METAP1: variants seen among roughly 807,000 people sequenced by gnomAD.
METAP1 encodes methionine aminopeptidase 1.
A neutral mutation model predicts 53.8 loss-of-function variants in METAP1; 28 were observed. That is an observed-to-expected ratio of 0.52 (90% CI 0.39 to 0.71). The LOEUF is 0.71. Ranked by LOEUF, METAP1 falls within the 30% of genes least tolerant of loss-of-function variation. The pLI, the probability that METAP1 is intolerant of heterozygous loss-of-function variation, is 0.00. For missense variants in METAP1, 389 were observed against 479.8 expected, an observed-to-expected ratio of 0.81 and a Z score of 1.77; for synonymous variants, 181 against 165.7, an observed-to-expected ratio of 1.09 and a Z score of -0.71.
At chr4:99,025,037 C>T (rs966640044) in intron 1 of METAP1, among the ~76,000 whole-genome samples, 31 of 152,222 alleles carry the variant, frequency 2.0e-4, no homozygotes, top group African/African-American at 7.2e-4. Context: ...AATCTAATGC[C>T]ACTGCTGATC....
chr4:99,014,079 G>A (rs1303736401), intron 1 of METAP1, among the ~76,000 whole-genome samples: 1 of 152,222 alleles, frequency 6.6e-6, no homozygotes, highest in Non-Finnish European at 1.5e-5. Context: ...CTTTGTACAA[G>A]CCGTCGAATA....
intron 1 of METAP1, among the ~76,000 whole-genome samples, chr4:99,012,069 T>A (rs1723498639): frequency 6.6e-6 from 1 of 152,174 alleles, no homozygotes; most frequent in Non-Finnish European, 1.5e-5. Flanking sequence ...TTTCATTGTT[T>A]TTATTTTTTT....
At chr4:99,000,084 T>C (rs555554021) in intron 1 of METAP1, among the ~76,000 whole-genome samples, 3 of 152,220 alleles carry the variant, frequency 2.0e-5, no homozygotes, top group Non-Finnish European at 4.4e-5. Flanking sequence ...TCAGTGGGCT[T>C]GCAATGGAAA....
chr4:98,995,952 C>T (rs1014341813), intron 1 of METAP1, 85 bp downstream of exon 1: 26 of 1,061,430 alleles, frequency 2.4e-5, no homozygotes, highest in Non-Finnish European at 3.5e-5. Context: ...GCCCTTGCGG[C>T]GAGTCGGGAC....
At chr4:99,026,656 T>C in intron 1 of METAP1, 1 of 985,372 alleles carries the variant, frequency 1.0e-6, no homozygotes, top group Non-Finnish European at 1.2e-6. Context: ...AGAGAATGGA[T>C]AGTCTTTCAG....
intron 1 of METAP1, among the ~76,000 whole-genome samples, chr4:98,996,813 G>C (rs1272426336): frequency 1.3e-5 from 2 of 152,190 alleles, no homozygotes; most frequent in Non-Finnish European, 2.9e-5. Flanking sequence ...TCCAGGTTTA[G>C]TGAAGAGAGG....
intron 8 of METAP1, among the ~76,000 whole-genome samples, chr4:99,047,280 C>G (rs1726337070): frequency 6.6e-6 from 1 of 152,112 alleles, no homozygotes. Flanking sequence ...ACAAGCATTC[C>G]TGGTCTCTAC....
intron 1 of METAP1, among the ~76,000 whole-genome samples, chr4:99,017,331 T>C (rs563000926): frequency 3.2e-4 from 48 of 152,230 alleles, no homozygotes; most frequent in Non-Finnish European, 6.6e-4. Context: ...TTCTGGATAT[T>C]TAAGGGCCTG....
chr4:99,041,223 T>G, intron 6 of METAP1, 97 bp downstream of exon 6: 1 of 776,394 alleles, frequency 1.3e-6, no homozygotes, highest in Admixed American at 2.8e-5. Context: ...GTGTCTAAGG[T>G]AACTTGGGTA....
intron 8 of METAP1, among the ~76,000 whole-genome samples, chr4:99,046,857 A>G (rs1726281017): frequency 6.6e-6 from 1 of 151,556 alleles, no homozygotes; most frequent in South Asian, 2.1e-4. Context: ...TTAAGTTTGA[A>G]ATAATTTTTA....
At chr4:99,009,126 A>G (rs1723340110) in intron 1 of METAP1, among the ~76,000 whole-genome samples, 1 of 152,202 alleles carries the variant, frequency 6.6e-6, no homozygotes, top group African/African-American at 2.4e-5. Context: ...CAGATTACAC[A>G]ATATTTGTTC....
chr4:99,010,366 AC>A (rs1052806322), intron 1 of METAP1, among the ~76,000 whole-genome samples: 5 of 152,094 alleles, frequency 3.3e-5, no homozygotes, highest in Non-Finnish European at 7.3e-5. Context: ...AGGCAGGAGG[AC>A]CCCTTGAGCC....
At chr4:99,042,284 T>C (rs1725930972) in intron 6 of METAP1, among the ~76,000 whole-genome samples, 1 of 152,016 alleles carries the variant, frequency 6.6e-6, no homozygotes, top group African/African-American at 2.4e-5. Context: ...TTTTTTTTTT[T>C]TGTAATTGAG....
chr4:99,025,569 G>C (rs1724503234), intron 1 of METAP1: 1 of 759,780 alleles, frequency 1.3e-6, no homozygotes, highest in Non-Finnish European at 1.6e-6. Context: ...AGGAGCCAGA[G>C]CTGAGAACCA....
chr4:99,053,362 A>C (rs532385996), intron 9 of METAP1, among the ~76,000 whole-genome samples: 16 of 152,086 alleles, frequency 1.1e-4, no homozygotes, highest in African/African-American at 3.9e-4. Context: ...TGATTCCCCC[A>C]CCTCAGCCTC....
chr4:99,022,707 A>G (rs1024217506), intron 1 of METAP1: 3 of 1,495,944 alleles, frequency 2.0e-6, no homozygotes, highest in South Asian at 1.2e-5. Context: ...TTGAGATTCC[A>G]TAGGTCATAA....
chr4:99,054,001 T>C (rs1231288351), intron 9 of METAP1, among the ~76,000 whole-genome samples: 1 of 146,788 alleles, frequency 6.8e-6, no homozygotes, highest in African/African-American at 2.7e-5. Flanking sequence ...ACAGGCAGAG[T>C]AGATTTCGCT....
chr4:99,035,012 G>GA (rs1725327164), intron 3 of METAP1, among the ~76,000 whole-genome samples: 1 of 151,970 alleles, frequency 6.6e-6, no homozygotes, highest in Admixed American at 6.6e-5. Flanking sequence ...TTAAAATTTG[G>GA]AAAAATAGGA....
chr4:99,017,879 C>T (rs536016468), intron 1 of METAP1, among the ~76,000 whole-genome samples: 9 of 152,210 alleles, frequency 5.9e-5, no homozygotes, highest in South Asian at 2.1e-4. Context: ...AACTGGTTGC[C>T]GGTGGTCTCC....
Sources: gnomAD v4.1 joint callset for allele counts (sites outside exome capture counted in the v4.1 genomes callset) on GRCh38, gnomAD v4.1.1 for gene constraint, MANE v1.5 for transcripts, NCBI Gene and HGNC (gene_info 2026-07-23, HGNC 2026-07-21) for gene names.